OXR1: variants seen among roughly 807,000 people sequenced by gnomAD.
OXR1 encodes the protein oxidation resistance protein 1.
Under a neutral mutation model 104.6 loss-of-function variants are expected in OXR1, and 41 were observed. The observed-to-expected ratio is 0.39, with a 90% confidence interval of 0.31 to 0.51. OXR1 has a LOEUF of 0.51. Ranked by LOEUF, OXR1 falls within the 20% of genes least tolerant of loss-of-function variation. The probability of loss-of-function intolerance (pLI) is 0.77; values close to 1 mark genes in which losing one functional copy is unlikely to be tolerated. For missense variants in OXR1, 955 were observed against 1,031.9 expected (o/e 0.93, Z 1.02); for synonymous variants, 348 against 348.4 (o/e 1.00, Z 0.01).
At chr8:106,270,918 C>A (rs561917802) in intron 1 of OXR1, among the ~76,000 whole-genome samples, 1 of 151,956 alleles carries the variant, frequency 6.6e-6, no homozygotes, top group African/African-American at 2.4e-5. Context: ...CGAGTGGATT[C>A]GGATAATTTG....
chr8:106,668,309 G>T (rs1826563716), intron 3 of OXR1, among the ~76,000 whole-genome samples: 1 of 152,144 alleles, frequency 6.6e-6, no homozygotes, highest in African/African-American at 2.4e-5. Flanking sequence ...TCTCATGCAA[G>T]CCAGCCAGAT....
rs1811599686 is a variant in OXR1, at chr8:106,499,086, C to T, written c.24-19857C>T. Among the ~76,000 whole-genome samples the T allele has an allele frequency of 7.9e-5, 2 of 25,470 alleles. 1 individual carries two copies. The highest frequency in any genetic ancestry group is 1.4e-3 in the South Asian group (2 of 1,382). 16.7% of individuals were successfully genotyped at this position (25,470 alleles called of 152,430 possible). A position where few individuals can be genotyped will look rare whatever the true frequency, so the allele number is the denominator to read the frequency against. ...CTGAGGCAGGAGAATGGCGTGAACCCGGGAAGCGGAGCTTGCAGTGAGCCG... is the reference window on the plus strand; with the variant it reads ...CTGAGGCAGGAGAATGGCGTGAACCTGGGAAGCGGAGCTTGCAGTGAGCCG... On this transcript the variant is annotated intron_variant, in intron 2 of 16. Transcript: ENST00000517566.
chr8:106,340,668 C>G (rs889826255), intron 1 of OXR1, among the ~76,000 whole-genome samples: 1 of 152,088 alleles, frequency 6.6e-6, no homozygotes. Flanking sequence ...GTGACAATTG[C>G]GGTGAAACAG....
Position 106,275,788 on chromosome 8 carries a change from A to AACAC in OXR1, c.-139+5435_-139+5438dup, listed in dbSNP as rs374957851. Among the ~76,000 whole-genome samples the AACAC allele has an allele frequency of 1.3e-3, 192 of 151,340 alleles. 5 individuals are homozygous for AACAC. The East Asian group carries it at 0.034, about 27-fold the overall frequency. ...CTTGTTGAATTCAGGAGCAACAACA[A>AACAC]ACACACACACACACACAGAGCAAGA... On this transcript the variant is annotated intron_variant, in intron 1 of 16. Coordinates refer to ENST00000517566, the MANE Select transcript of OXR1 (RefSeq NM_001198533.2).
chr8:106,404,868 G>T (rs575011011), intron 2 of OXR1, among the ~76,000 whole-genome samples: 8 of 151,932 alleles, frequency 5.3e-5, no homozygotes, highest in East Asian at 3.9e-4. Context: ...ACCACGCTTG[G>T]CTAATTTTTT....
At chr8:106,308,100 G>A (rs911031633) in intron 1 of OXR1, among the ~76,000 whole-genome samples, 1 of 152,094 alleles carries the variant, frequency 6.6e-6, no homozygotes, top group African/African-American at 2.4e-5. Context: ...TTCACAATCT[G>A]TTGTCTGCAA....
intron 6 of OXR1, among the ~76,000 whole-genome samples, chr8:106,687,193 A>G (rs965415889): frequency 3.3e-5 from 5 of 152,130 alleles, no homozygotes; most frequent in African/African-American, 9.7e-5. Flanking sequence ...TAAGATGGGG[A>G]CATATTTATT....
At chr8:106,501,466 C>T (rs568178897) in intron 2 of OXR1, among the ~76,000 whole-genome samples, 18 of 152,170 alleles carry the variant, frequency 1.2e-4, no homozygotes, top group South Asian at 4.1e-4. Context: ...AATGGAGTGA[C>T]GGACACGATC....
At chr8:106,339,556 A>ATAT (rs1586543044) in intron 1 of OXR1, among the ~76,000 whole-genome samples, 2 of 133,724 alleles carry the variant, frequency 1.5e-5, no homozygotes, top group Non-Finnish European at 3.2e-5. Flanking sequence ...ATATATATAT[A>ATAT]AAACGAAATC....
At chr8:106,693,028 A>C (rs911600934) in intron 7 of OXR1, 151 bp downstream of exon 7, 13 of 494,218 alleles carry the variant, frequency 2.6e-5, no homozygotes, top group Non-Finnish European at 4.5e-5. Flanking sequence ...TTGGGTTAGT[A>C]TGGATGTTGC....
intron 9 of OXR1, among the ~76,000 whole-genome samples, chr8:106,707,962 C>T (rs1179656729): frequency 6.6e-6 from 1 of 152,016 alleles, no homozygotes; most frequent in African/African-American, 2.4e-5. Flanking sequence ...TAAAATGTAA[C>T]GTAAATATAT....
chr8:106,349,159 TAA>T (rs920984434), intron 1 of OXR1, among the ~76,000 whole-genome samples: 2 of 152,130 alleles, frequency 1.3e-5, no homozygotes, highest in African/African-American at 4.8e-5. Flanking sequence ...TTTAAGAATT[TAA>T]AAAAATTAGG....
chr8:106,379,152 T>A (rs996414310), intron 2 of OXR1, among the ~76,000 whole-genome samples: 2 of 152,152 alleles, frequency 1.3e-5, no homozygotes, highest in African/African-American at 4.8e-5. Flanking sequence ...AAAGGCATCA[T>A]CCCAACCCTA....
At chr8:106,511,437 C>T (rs1481065902) in intron 2 of OXR1, among the ~76,000 whole-genome samples, 2 of 152,074 alleles carry the variant, frequency 1.3e-5, no homozygotes, top group Non-Finnish European at 2.9e-5. Context: ...ATGTGCAAAC[C>T]ACAGATGGTC....
At chr8:106,373,383 T>A (rs1193752900) in intron 2 of OXR1, among the ~76,000 whole-genome samples, 3 of 152,198 alleles carry the variant, frequency 2.0e-5, no homozygotes, top group African/African-American at 7.2e-5. Flanking sequence ...TTTTACTGGT[T>A]GTTTAATGTG....
rs60404483 is a variant in OXR1 at position 106,671,044 on chromosome 8, CA to C, written c.221-8147del. Among the ~76,000 whole-genome samples the C allele has an allele frequency of 1.2e-3, 58 of 48,940 alleles. 1 individual carries two copies. The highest frequency in any genetic ancestry group is 2.8e-3 in the African/African-American group (23 of 8,156). The allele number at this position is 48,940 out of a possible 152,430, so 32.1% of individuals were successfully genotyped here. A position where few individuals can be genotyped will look rare whatever the true frequency, so the allele number is the denominator to read the frequency against. ...TGGGTGACAGAGTGAGACTCTGTCT[CA>C]AAAAAAAAAAAAAAAAAAGAATGGC... is the stretch of plus-strand genomic sequence containing the variant. On this transcript the variant is annotated intron_variant, in intron 3 of 16. Transcript: ENST00000517566.
At chr8:106,496,974 A>T (rs181982678) in intron 2 of OXR1, among the ~76,000 whole-genome samples, 27 of 152,228 alleles carry the variant, frequency 1.8e-4, no homozygotes, top group Admixed American at 5.9e-4. Flanking sequence ...TGCTTTAGAG[A>T]TACTTAAGAT....
At chr8:106,337,445 G>A (rs1009077938) in intron 1 of OXR1, among the ~76,000 whole-genome samples, 1 of 152,138 alleles carries the variant, frequency 6.6e-6, no homozygotes, top group Admixed American at 6.5e-5. Flanking sequence ...CAACTTCCTT[G>A]TTTCACGAAT....
At chr8:106,533,152 C>T (rs964539898) in intron 3 of OXR1, among the ~76,000 whole-genome samples, 32 of 152,134 alleles carry the variant, frequency 2.1e-4, no homozygotes, top group Non-Finnish European at 2.6e-4. Flanking sequence ...CTTGGCTGCC[C>T]CTGACTATTT....
Sources: gnomAD v4.1 joint callset for allele counts (sites outside exome capture counted in the v4.1 genomes callset) on GRCh38, gnomAD v4.1.1 for gene constraint, MANE v1.5 for transcripts, NCBI Gene and HGNC (gene_info 2026-07-23, HGNC 2026-07-21) for gene names.